The following TBC1D1 variants were observed in gnomAD, a reference collection of about 807,000 sequenced individuals.
TBC1D1 encodes TBC1 domain family member 1.
TBC1D1 carries 89 observed loss-of-function variants against 125.6 expected under a neutral mutation model. The ratio of observed to expected loss-of-function variants is 0.71; its 90% confidence interval spans 0.60 to 0.85. The LOEUF is 0.85. Among genes scored for constraint, TBC1D1 ranks in the 40% least tolerant of loss-of-function variants. The pLI is 0.00. For synonymous variants in TBC1D1, 565 were observed against 564.1 expected (o/e 1.00, Z -0.02); for missense variants, 1,377 against 1,469.2 (o/e 0.94, Z 1.03).
chr4:38,101,141 G>A (rs985287192), intron 14 of TBC1D1, among the ~76,000 whole-genome samples: 5 of 152,222 alleles, frequency 3.3e-5, no homozygotes, highest in African/African-American at 1.2e-4. Context: ...CGCAATCAGT[G>A]CTATCTGCTG....
intron 2 of TBC1D1, chr4:37,960,306 T>C (rs1056077333): frequency 1.2e-6 from 1 of 857,794 alleles, no homozygotes; most frequent in African/African-American, 1.7e-5. Flanking sequence ...ATGCTAACTC[T>C]CAGATGATGT....
chr4:38,018,213 AG>A, intron 3 of TBC1D1, 140 bp from the exon 4 acceptor site: 1 of 643,604 alleles, frequency 1.6e-6, no homozygotes, highest in Non-Finnish European at 2.7e-6. Flanking sequence ...TGAAATCCAG[AG>A]GATAAGAGGG....
In TBC1D1 at chr4:38,088,687, A is replaced by T. The variant is rs1481630232; in HGVS notation, c.2051-1245A>T. The stretch of plus-strand genomic sequence containing the variant: ...TTACTCTGTGTTGGGCCCTGTTCTC[A>T]GTGGTTTATAGCCTATTAACTCAGT... On this transcript the variant is annotated intron_variant, in intron 12 of 19. Coordinates refer to ENST00000261439, the MANE Select transcript of TBC1D1 (RefSeq NM_015173.4). 2.6e-5 allele frequency among the ~76,000 whole-genome samples: 4 copies of T among 152,140 alleles called. No homozygotes were observed. The East Asian group carries it at 7.7e-4, about 29-fold the overall frequency.
chr4:38,054,503 T>G (rs77416306), intron 12 of TBC1D1, among the ~76,000 whole-genome samples, 165 bp downstream of exon 14: 1,629 of 152,304 alleles, frequency 0.011, 17 homozygotes, highest in Non-Finnish European at 0.016. Flanking sequence ...TTACCCTCCA[T>G]TTCTTAGGGA....
intron 7 of TBC1D1, 79 bp downstream of exon 7, chr4:38,027,958 C>T (rs775131576): frequency 3.9e-5 from 44 of 1,123,124 alleles, no homozygotes; most frequent in Non-Finnish European, 5.4e-5. Context: ...TAAAAAATAG[C>T]AAACCAGTGT....
chr4:38,052,318 GGTTTGT>G (rs1219406497), intron 11 of TBC1D1, among the ~76,000 whole-genome samples: 6 of 149,200 alleles, frequency 4.0e-5, no homozygotes, highest in Admixed American at 6.7e-5. Flanking sequence ...ATGGCAGATT[GGTTTGT>G]GTTTGTGTTT....
intron 2 of TBC1D1, among the ~76,000 whole-genome samples, chr4:37,994,760 T>G (rs7670255): frequency 0.28 from 42,528 of 152,044 alleles, 6,487 homozygotes; most frequent in African/African-American, 0.39. Context: ...GACCCCTCTC[T>G]TAGTGTGAGG....
intron 2 of TBC1D1, among the ~76,000 whole-genome samples, chr4:37,909,452 T>C (rs1718074857): frequency 6.6e-6 from 1 of 152,246 alleles, no homozygotes; most frequent in South Asian, 2.1e-4. Context: ...ACTTAATATA[T>C]GCACCATTAC....
At chr4:37,980,354 A>G (rs1161043250) in intron 2 of TBC1D1, among the ~76,000 whole-genome samples, 1 of 152,176 alleles carries the variant, frequency 6.6e-6, no homozygotes, top group Non-Finnish European at 1.5e-5. Flanking sequence ...GGGACACTTG[A>G]CTTTTTACGC....
chr4:37,974,983 G>A (rs55988601), intron 2 of TBC1D1, among the ~76,000 whole-genome samples: 4,508 of 152,270 alleles, frequency 0.03, 90 homozygotes, highest in Middle Eastern at 0.051. Context: ...TTTTTTCCCC[G>A]TGTGCAGAGA....
chr4:37,919,980 GC>G lies in TBC1D1; in HGVS notation c.417+17469del, dbSNP rs1560477541. ...ACAAAAAAATGAGCCGGGCGTGGTG[GC>G]GGGAGCCTGTAGTCCCAGCTACTTG... On this transcript the variant is annotated intron_variant, in intron 2 of 19. Coordinates refer to ENST00000261439, the MANE Select transcript of TBC1D1 (RefSeq NM_015173.4). 3.2e-4 allele frequency among the ~76,000 whole-genome samples: 49 copies of G among 152,298 alleles called. 1 individual carries two copies. The highest frequency in any genetic ancestry group is 2.8e-3 in the Admixed American group (43 of 15,292).
chr4:38,028,147 A>T (rs1745432457), intron 7 of TBC1D1, among the ~76,000 whole-genome samples: 1 of 152,062 alleles, frequency 6.6e-6, no homozygotes, highest in Non-Finnish European at 1.5e-5. Flanking sequence ...AACAGCAAAA[A>T]AAAAAATCTC....
intron 12 of TBC1D1, among the ~76,000 whole-genome samples, chr4:38,058,640 T>C (rs1325016783): frequency 6.6e-6 from 1 of 152,206 alleles, no homozygotes; most frequent in Non-Finnish European, 1.5e-5. Flanking sequence ...CAAACTTCAA[T>C]TGGACAGGAA....
At chr4:38,077,640 T>C (rs1439153666) in intron 12 of TBC1D1, among the ~76,000 whole-genome samples, 2 of 151,864 alleles carry the variant, frequency 1.3e-5, no homozygotes, top group Non-Finnish European at 2.9e-5. Context: ...ATTTTTTTTT[T>C]TTTTTTTTGC....
intron 3 of TBC1D1, among the ~76,000 whole-genome samples, chr4:38,018,013 A>G (rs137924427): frequency 7.9e-5 from 12 of 152,348 alleles, no homozygotes; most frequent in African/African-American, 2.2e-4. Flanking sequence ...AAATCATTCA[A>G]AAGTATCTTG....
At chr4:38,054,085 T>C in intron 11 of TBC1D1, 114 bp from the exon 14 acceptor site, 1 of 1,145,504 alleles carries the variant, frequency 8.7e-7, no homozygotes, top group Non-Finnish European at 1.3e-6. Flanking sequence ...GATTGATTAT[T>C]TGTTTATACA....
chr4:38,078,910 C>T (rs1405519309), intron 12 of TBC1D1, among the ~76,000 whole-genome samples: 1 of 152,154 alleles, frequency 6.6e-6, no homozygotes, highest in Non-Finnish European at 1.5e-5. Context: ...CTTTCCAGGT[C>T]TAGTTTTGAC....
At chr4:37,934,731 C>T (rs980425764) in intron 2 of TBC1D1, among the ~76,000 whole-genome samples, 7 of 152,144 alleles carry the variant, frequency 4.6e-5, no homozygotes, top group African/African-American at 7.2e-5. Flanking sequence ...CCCTGGGGAC[C>T]CTTCAGTGTC....
intron 15 of TBC1D1, among the ~76,000 whole-genome samples, chr4:38,104,786 C>T (rs906179355): frequency 8.1e-5 from 12 of 149,042 alleles, no homozygotes; most frequent in South Asian, 2.1e-4. Flanking sequence ...GACGGTGTCT[C>T]GCTCTGTCGC....
Sources: allele counts gnomAD v4.1 joint callset (sites outside exome capture counted in the v4.1 genomes callset), GRCh38; gene constraint gnomAD v4.1.1; transcripts MANE v1.5; gene names NCBI Gene and HGNC (gene_info 2026-07-23, HGNC 2026-07-21).